PDE5A: variants seen among roughly 807,000 people sequenced by gnomAD.
The protein encoded by PDE5A is cGMP-specific 3',5'-cyclic phosphodiesterase.
Under a neutral mutation model 110.2 loss-of-function variants are expected in PDE5A, and 67 were observed. The observed-to-expected ratio is 0.61, with a 90% CI of 0.50 to 0.75. The LOEUF is 0.75. Among genes scored for constraint, PDE5A ranks in the 30% least tolerant of loss-of-function variants. PDE5A has a pLI of 0.00. For synonymous variants in PDE5A, 328 were observed against 351.2 expected (o/e 0.93, Z 0.74); for missense variants, 862 against 1,045.1 (o/e 0.82, Z 2.42).
intron 14 of PDE5A, among the ~76,000 whole-genome samples, chr4:119,514,671 G>A (rs1167800946): frequency 1.3e-5 from 2 of 152,096 alleles, no homozygotes; most frequent in African/African-American, 4.8e-5. Context: ...ACTGGGCACA[G>A]TATTTTTGCC....
At chr4:119,521,371 GT>G (rs775549268) in intron 12 of PDE5A, among the ~76,000 whole-genome samples, 385 of 140,516 alleles carry the variant, frequency 2.7e-3, no homozygotes, top group African/African-American at 3.8e-3. Flanking sequence ...CACTGGGTAG[GT>G]TTTTTTTTTT....
intron 1 of PDE5A, among the ~76,000 whole-genome samples, chr4:119,625,046 T>A (rs1301556744): frequency 1.3e-5 from 2 of 151,190 alleles, no homozygotes; most frequent in Non-Finnish European, 2.9e-5. Flanking sequence ...AGTCTCACTC[T>A]GTTGCCCAGG....
intron 2 of PDE5A, among the ~76,000 whole-genome samples, chr4:119,602,265 T>A (rs1031745614): frequency 6.6e-6 from 1 of 152,106 alleles, no homozygotes; most frequent in Non-Finnish European, 1.5e-5. Context: ...TCAGAAATAA[T>A]AAGCATATAT....
rs373409642 is a variant in PDE5A at position 119,628,577 on chromosome 4, G to A, written c.95C>T (p.Ala32Val). The change falls in exon 1 of 21, where the codon GCA becomes GTA. Residue 32 changes from alanine (A) to valine (V), a missense_variant. Transcript: ENST00000354960. ...QQQRDQDSVEAWLDDHWDFTF... is the reference protein window; with the variant it reads ...QQQRDQDSVEVWLDDHWDFTF... The stretch of plus-strand genomic sequence containing the variant: ...AAAGTCCCAGTGATCGTCCAGCCAT[G>A]CTTCGACCGAGTCCTGATCCCTCTG... 1 of 1,612,082 alleles carries A rather than the reference G, an allele frequency of 6.2e-7. No individual in the cohort carries two copies.
At chr4:119,559,037 A>G (rs1022062840) in intron 7 of PDE5A, among the ~76,000 whole-genome samples, 7 of 152,022 alleles carry the variant, frequency 4.6e-5, no homozygotes, top group African/African-American at 1.4e-4. Flanking sequence ...CATGTAAATT[A>G]GTCTCTTTTA....
chr4:119,537,805 AG>A (rs1455838432), intron 11 of PDE5A, among the ~76,000 whole-genome samples: 1 of 151,966 alleles, frequency 6.6e-6, no homozygotes, highest in East Asian at 1.9e-4. Flanking sequence ...CTGCAGTTTC[AG>A]GGAAGTGAAA....
chr4:119,501,394 T>G, intron 19 of PDE5A, 141 bp from the exon 20 acceptor site: 1 of 598,550 alleles, frequency 1.7e-6, no homozygotes, highest in Admixed American at 2.6e-5. Flanking sequence ...CACTGCAACC[T>G]CCACCTCCCA....
At chr4:119,609,881 C>T (rs926418088) in intron 1 of PDE5A, among the ~76,000 whole-genome samples, 1 of 152,004 alleles carries the variant, frequency 6.6e-6, no homozygotes, top group African/African-American at 2.4e-5. Flanking sequence ...TGCTGTACAC[C>T]TTAAATACAT....
At chr4:119,506,351 T>C (rs1725553698) in intron 16 of PDE5A, among the ~76,000 whole-genome samples, 1 of 151,856 alleles carries the variant, frequency 6.6e-6, no homozygotes, top group Admixed American at 6.6e-5. Context: ...TGTGAAGTGC[T>C]TCTGAAGTAA....
intron 11 of PDE5A, 121 bp downstream of exon 11, chr4:119,538,839 A>C (rs1299790175): frequency 2.5e-6 from 2 of 784,940 alleles, no homozygotes; most frequent in Non-Finnish European, 4.5e-6. Flanking sequence ...GTGACTTTGC[A>C]TCCCTGCAAG....
intron 1 of PDE5A, among the ~76,000 whole-genome samples, chr4:119,609,824 T>C (rs1560640937): frequency 1.3e-5 from 2 of 152,214 alleles, no homozygotes; most frequent in South Asian, 4.1e-4. Context: ...ATATGTAAAC[T>C]ACCTTGACTT....
chr4:119,519,020 T>C (rs547959096), intron 14 of PDE5A, 25 bp downstream of exon 14: 1 of 1,549,732 alleles, frequency 6.5e-7, no homozygotes, highest in South Asian at 1.1e-5. Context: ...GAAAACATTT[T>C]CTTGCTTTAC....
chr4:119,588,981 GAGA>G (rs1305320391), intron 3 of PDE5A, among the ~76,000 whole-genome samples: 7 of 152,166 alleles, frequency 4.6e-5, no homozygotes, highest in Admixed American at 3.9e-4. Flanking sequence ...GATAAAAAGA[GAGA>G]AGGAGGAAAG....
chr4:119,627,836 G>A lies in PDE5A; in HGVS notation c.152+684C>T, dbSNP rs1200189809. 6.6e-6 allele frequency among the ~76,000 whole-genome samples: 1 copy of A among 152,204 alleles called. No individual in the cohort carries two copies. The highest frequency in any genetic ancestry group is 1.5e-5 in the Non-Finnish European group (1 of 68,026). On this transcript the variant is annotated intron_variant, in intron 1 of 20. Coordinates refer to ENST00000354960, the MANE Select transcript of PDE5A (RefSeq NM_001083.4). The surrounding 1 kb of genome is among the most constrained non-coding windows in gnomAD (Gnocchi z 4.6). ...GGGTCTGCGCTGCCCCTTGGGGTCC[G>A]CTCCAGGCGGCGCCTCCCCTGCGCC...
At chr4:119,576,877 C>CA (rs1391844591) in intron 3 of PDE5A, among the ~76,000 whole-genome samples, 6 of 151,980 alleles carry the variant, frequency 3.9e-5, no homozygotes, top group Admixed American at 1.3e-4. Context: ...AAAAACCCGT[C>CA]AAAAAATCAA....
intron 9 of PDE5A, among the ~76,000 whole-genome samples, chr4:119,544,948 A>G (rs550225802): frequency 3.6e-4 from 55 of 152,336 alleles, no homozygotes; most frequent in Admixed American, 4.6e-4. Flanking sequence ...CAGAACAACT[A>G]AAGTATATCC....
chr4:119,617,811 T>TA (rs1729993822), intron 1 of PDE5A, among the ~76,000 whole-genome samples: 1 of 152,188 alleles, frequency 6.6e-6, no homozygotes, highest in African/African-American at 2.4e-5. Context: ...AAGATAATTA[T>TA]AATGGCCTAG....
At position 119,582,255 on chromosome 4, in the gene PDE5A, C is replaced by T. The variant is rs528803330; in HGVS notation, c.831+14268G>A. Among the ~76,000 whole-genome samples the T allele has an allele frequency of 1.1e-4, 17 of 152,320 alleles. No homozygotes were observed. The South Asian group carries it at 3.5e-3, about 32-fold the overall frequency. On this transcript the variant is annotated intron_variant, in intron 3 of 20. Transcript: ENST00000354960. ...TCAACAATATTCACAGCATTTACAG[C>T]AGGGATAGAGTCCATCTCAAGAAAC... is the stretch of plus-strand genomic sequence containing the variant.
intron 3 of PDE5A, among the ~76,000 whole-genome samples, chr4:119,585,257 A>G (rs972690052): frequency 7.2e-6 from 1 of 137,942 alleles, no homozygotes; most frequent in Non-Finnish European, 1.6e-5. Flanking sequence ...CCTGGGCGAC[A>G]AGAGTGAAAC....
Sources: gnomAD v4.1 joint callset for allele counts (sites outside exome capture counted in the v4.1 genomes callset) on GRCh38, gnomAD v4.1.1 for gene constraint, Gnocchi (gnomAD v3.1) non-coding constraint, MANE v1.5 for transcripts, NCBI Gene and HGNC (gene_info 2026-07-23, HGNC 2026-07-21) for gene names.